Variants in XRRA1 observed in about 807,000 individuals in gnomAD.
The protein encoded by XRRA1 is X-ray radiation resistance associated 1, also known as X-ray radiation resistance-associated protein 1.
A neutral mutation model predicts 80.2 loss-of-function variants in XRRA1; 69 were observed. The observed-to-expected ratio is 0.86, with a 90% CI of 0.71 to 1.05. The LOEUF (loss-of-function observed/expected upper bound fraction) is 1.05. Among genes scored for constraint, XRRA1 ranks in the 50% least tolerant of loss-of-function variants. XRRA1 has a pLI of 0.00. For missense variants in XRRA1, 967 were observed against 976.4 expected, an observed-to-expected ratio of 0.99 and a Z score of 0.13; for synonymous variants, 348 against 389.9, an observed-to-expected ratio of 0.89 and a Z score of 1.27.
chr11:74,848,198 G>A lies in XRRA1; in HGVS notation c.1645C>T (p.Leu549=), dbSNP rs1156951116. The change falls in exon 15 of 19, where the codon CTG becomes TTG. Residue 549 remains leucine (L), a synonymous_variant. Coordinates refer to ENST00000684022, the MANE Select transcript of XRRA1 (RefSeq NM_001378157.1). ...TVHSEETLSH[L]SDTTVRLSPE... is the part of the protein sequence containing the mutation. The stretch of plus-strand genomic sequence containing the variant: ...CTGAGGCGGACAGTTGTGTCACTCA[G>A]GTGGGACAGGGTCTCTTCACTATGC... The A allele has an allele frequency of 1.2e-6, 2 of 1,613,746 alleles. No individual in the cohort carries two copies. Among genetic ancestry groups the A allele is most frequent in the African/African-American group, 2.7e-5 (2 of 74,916 alleles).
At position 74,937,044 on chromosome 11, in the gene XRRA1, T is replaced by C. The variant is rs1397064407; in HGVS notation, c.119A>G (p.Gln40Arg). 7 of 1,613,752 alleles carry C rather than the reference T, an allele frequency of 4.3e-6. No individual in the cohort carries two copies. In the African/African-American group the frequency reaches 6.7e-5, roughly 15 times the overall value. The change falls in exon 4 of 19, where the codon CAG (glutamine) becomes CGG (arginine). Residue 40 changes from glutamine to arginine, a missense_variant. Transcript: ENST00000684022. ...GGGCTTCTTCTTGAGGTTACCTTTCTGAACCACTAACCAGTGTCCTTGGCC... is the reference window on the plus strand; with the variant it reads ...GGGCTTCTTCTTGAGGTTACCTTTCCGAACCACTAACCAGTGTCCTTGGCC... ...EEGQGHWLVV[Q>R]KGNLKKKPKG...
chr11:74,866,654 TA>T (rs57326749), intron 10 of XRRA1, among the ~76,000 whole-genome samples: 7,113 of 135,312 alleles, frequency 0.053, 319 homozygotes, highest in African/African-American at 0.13. Flanking sequence ...TTGAAATAAT[TA>T]AAAAAAAAAA....
intron 12 of XRRA1, among the ~76,000 whole-genome samples, chr11:74,855,039 G>A (rs955530007): frequency 2.0e-5 from 3 of 151,102 alleles, no homozygotes; most frequent in African/African-American, 7.4e-5. Flanking sequence ...AACAGAGTGA[G>A]ACTCTGTCTC....
intron 10 of XRRA1, chr11:74,876,479 G>A (rs1443024228): frequency 6.6e-6 from 1 of 152,106 alleles, no homozygotes. Flanking sequence ...ACTTCCAACA[G>A]GAATTAACAC....
chr11:74,921,433 G>T, intron 7 of XRRA1, 86 bp from the exon 8 acceptor site: 1 of 1,542,678 alleles, frequency 6.5e-7, no homozygotes, highest in Non-Finnish European at 8.8e-7. Context: ...ACTTTCTAGA[G>T]TGCCCCATCG....
intron 6 of XRRA1, 56 bp from the exon 7 acceptor site, chr11:74,927,544 A>T (rs890735877): frequency 1.2e-5 from 14 of 1,200,220 alleles, no homozygotes; most frequent in Non-Finnish European, 1.7e-5. Context: ...TAAGAGAAAG[A>T]TATTAATAAT....
At chr11:74,913,734 CA>C (rs2056378622) in intron 8 of XRRA1, 1 of 152,106 alleles carries the variant, frequency 6.6e-6, no homozygotes, top group East Asian at 1.9e-4. Context: ...GGAAAAGTTG[CA>C]AACACCCTAG....
In XRRA1 at chr11:74,843,452, A is replaced by G. The variant is rs975628116; in HGVS notation, c.2151T>C (p.Gly717=). Residue 717 remains glycine (G), a splice_region_variant and synonymous_variant, in exon 19 of 19, where the codon GGT becomes GGC. Transcript: ENST00000684022. ...GTTCTGTCCACTGGTGCAGGACAGC[A>G]CCTGCAGGAAAAGAAGCCAGGAGAG... ...DPRNITEAPL[G]AVLHQWTERR... The G allele has an allele frequency of 1.6e-5, 25 of 1,610,842 alleles. No individual in the cohort carries two copies. Among genetic ancestry groups the G allele is most frequent in the Non-Finnish European group, 2.1e-5 (25 of 1,178,666 alleles).
chr11:74,898,910 T>TA (rs112328191), intron 10 of XRRA1, among the ~76,000 whole-genome samples: 3,382 of 152,222 alleles, frequency 0.022, 133 homozygotes, highest in African/African-American at 0.075. Flanking sequence ...AAAATGGACT[T>TA]AACAGATATT....
chr11:74,849,469 A>C (rs906886995), intron 14 of XRRA1, among the ~76,000 whole-genome samples: 1 of 152,172 alleles, frequency 6.6e-6, no homozygotes, highest in African/African-American at 2.4e-5. Flanking sequence ...ACTCTGAGGG[A>C]CCCAGAGTCT....
chr11:74,940,889 GC>G lies in XRRA1; in HGVS notation c.-4-8del. On this transcript the variant is annotated splice_region_variant and splice_polypyrimidine_tract_variant and intron_variant, in intron 2 of 18. Coordinates refer to ENST00000684022, the MANE Select transcript of XRRA1 (RefSeq NM_001378157.1). ...TCCTGAGAAGGCCATCTCCCTGAGAGCCAGGCAAGGAAAGCAAGGAAGCAGA... is the reference window on the plus strand; with the variant it reads ...TCCTGAGAAGGCCATCTCCCTGAGAGCAGGCAAGGAAAGCAAGGAAGCAGA... 1.3e-6 allele frequency: 2 copies of G among 1,599,398 alleles called. No individual in the cohort carries two copies. The highest frequency in any genetic ancestry group is 1.7e-6 in the Non-Finnish European group (2 of 1,172,078).
chr11:74,899,861 G>GA (rs2053213082), intron 10 of XRRA1, among the ~76,000 whole-genome samples: 1 of 152,072 alleles, frequency 6.6e-6, no homozygotes, highest in Non-Finnish European at 1.5e-5. Flanking sequence ...AAACTGTTCG[G>GA]AAAGATAAAG....
chr11:74,906,991 G>C (rs2054745736), intron 9 of XRRA1, 154 bp downstream of exon 9: 1 of 997,592 alleles, frequency 1.0e-6, no homozygotes, highest in Non-Finnish European at 1.5e-6. Context: ...CCAAAGCTCA[G>C]AGGGGAGAAA....
chr11:74,859,454 C>T (rs777849977), intron 11 of XRRA1, among the ~76,000 whole-genome samples, 171 bp from the exon 12 acceptor site: 2 of 152,084 alleles, frequency 1.3e-5, no homozygotes, highest in Non-Finnish European at 2.9e-5. Flanking sequence ...GCCCAGAATT[C>T]TGGCTCCAAG....
intron 11 of XRRA1, 111 bp from the exon 12 acceptor site, chr11:74,859,394 G>T: frequency 7.9e-7 from 1 of 1,261,400 alleles, no homozygotes; most frequent in Non-Finnish European, 1.1e-6. Context: ...TTCCTAGAGA[G>T]ACTTGGCCAA....
chr11:74,852,553 C>T (rs1427790127), intron 12 of XRRA1, among the ~76,000 whole-genome samples: 1 of 152,216 alleles, frequency 6.6e-6, no homozygotes, highest in Non-Finnish European at 1.5e-5. Flanking sequence ...GGCTCTTTCA[C>T]TGAGGCCAGT....
intron 4 of XRRA1, among the ~76,000 whole-genome samples, chr11:74,934,187 GC>G (rs1944379732): frequency 6.6e-6 from 1 of 152,124 alleles, no homozygotes; most frequent in African/African-American, 2.4e-5. Flanking sequence ...TATGTGCCTT[GC>G]CAAAGGTCCC....
At chr11:74,939,784 C>A (rs917882613) in intron 3 of XRRA1, among the ~76,000 whole-genome samples, 20 of 151,992 alleles carry the variant, frequency 1.3e-4, no homozygotes, top group African/African-American at 4.8e-4. Context: ...TAGATATATA[C>A]AACTATATTT....
chr11:74,860,784 T>G (rs553968636), intron 11 of XRRA1, among the ~76,000 whole-genome samples: 55 of 152,294 alleles, frequency 3.6e-4, no homozygotes, highest in African/African-American at 1.2e-3. Flanking sequence ...AAGAAAAAAT[T>G]TGTCTGGTCT....
Sources: gnomAD v4.1 joint callset for allele counts (sites outside exome capture counted in the v4.1 genomes callset) on GRCh38, gnomAD v4.1.1 for gene constraint, MANE v1.5 for transcripts, NCBI Gene and HGNC (gene_info 2026-07-23, HGNC 2026-07-21) for gene names.